The following SYNPR variants were observed in gnomAD, a reference collection of about 807,000 sequenced individuals.
SYNPR encodes the protein synaptoporin.
In SYNPR, 23 loss-of-function variants were observed where a neutral mutation model predicts 32.9. That is an observed-to-expected ratio of 0.70 (90% CI 0.50 to 0.99). The LOEUF is 0.99. Ranked by LOEUF, SYNPR falls within the 50% of genes least tolerant of loss-of-function variation. The pLI, the probability that SYNPR is intolerant of heterozygous loss-of-function variation, is 0.00. For missense variants in SYNPR, 318 were observed against 349.3 expected (o/e 0.91, Z 0.71); for synonymous variants, 146 against 135.9 (o/e 1.07, Z -0.52).
chr3:63,264,396 G>A (rs1254929411), intron 2 of SYNPR, among the ~76,000 whole-genome samples: 2 of 151,830 alleles, frequency 1.3e-5, no homozygotes, highest in South Asian at 4.2e-4. Flanking sequence ...AAGCCTGTTT[G>A]AAAAAAATCA....
chr3:63,203,634 G>A, the SYNPR span, among the ~76,000 whole-genome samples: 1 of 152,138 alleles, frequency 6.6e-6, no homozygotes, highest in Non-Finnish European at 1.5e-5. Context: ...AAGAAGTCCA[G>A]GTGACCTTTT....
intron 1 of SYNPR, among the ~76,000 whole-genome samples, chr3:63,240,221 GGTTT>G (rs2086230935): frequency 2.0e-5 from 3 of 151,954 alleles, no homozygotes; most frequent in Non-Finnish European, 4.4e-5. Flanking sequence ...ACAATAAATT[GGTTT>G]ATTTAACAGG....
intron 2 of SYNPR, among the ~76,000 whole-genome samples, chr3:63,334,438 A>G (rs2087262334): frequency 6.6e-6 from 1 of 152,150 alleles, no homozygotes. Context: ...ACATAATAAT[A>G]GCCATTGTCA....
intron 2 of SYNPR, among the ~76,000 whole-genome samples, chr3:63,371,804 A>G (rs935986599): frequency 3.9e-5 from 6 of 152,144 alleles, no homozygotes; most frequent in East Asian, 3.9e-4. Flanking sequence ...GCGGTTCTAC[A>G]TTTCACTGAG....
At chr3:63,484,288 T>C (rs1044578625) in intron 3 of SYNPR, among the ~76,000 whole-genome samples, 1 of 152,172 alleles carries the variant, frequency 6.6e-6, no homozygotes, top group Non-Finnish European at 1.5e-5. Context: ...TTAACTGTTT[T>C]CTCATCTGCA....
intron 2 of SYNPR, among the ~76,000 whole-genome samples, chr3:63,466,265 C>A (rs1480679585): frequency 6.6e-6 from 1 of 151,722 alleles, no homozygotes; most frequent in Non-Finnish European, 1.5e-5. Context: ...TTCTCTTTTT[C>A]TTTTCTCTTT....
At chr3:63,382,780 T>G (rs1333211673) in intron 2 of SYNPR, among the ~76,000 whole-genome samples, 1 of 152,206 alleles carries the variant, frequency 6.6e-6, no homozygotes, top group Non-Finnish European at 1.5e-5. Context: ...CAATGAAAAT[T>G]ATGTCCACTC....
intron 2 of SYNPR, among the ~76,000 whole-genome samples, chr3:63,403,700 G>A (rs892816750): frequency 9.2e-5 from 14 of 152,200 alleles, no homozygotes; most frequent in African/African-American, 3.4e-4. Context: ...AAAGAAGACA[G>A]AGGTGTAGCA....
Position 63,483,320 on chromosome 3 carries a change from T to C in SYNPR, c.209+2364T>C, listed in dbSNP as rs186677087. Reference sequence around the variant, plus strand: ...AAGTGAATGTACAGATATAGAAAGATGTTTAAAATGTATTACTAAAGAGAA... The same window carrying C: ...AAGTGAATGTACAGATATAGAAAGACGTTTAAAATGTATTACTAAAGAGAA... On this transcript the variant is annotated intron_variant, in intron 3 of 5. Coordinates refer to ENST00000478300, the MANE Select transcript of SYNPR (RefSeq NM_001130003.2). Among the ~76,000 whole-genome samples the C allele has an allele frequency of 1.0e-3, 152 of 152,324 alleles. 1 individual carries two copies. The highest frequency in any genetic ancestry group is 3.4e-3 in the African/African-American group (141 of 41,590).
intron 2 of SYNPR, among the ~76,000 whole-genome samples, chr3:63,405,695 G>C (rs1440682956): frequency 1.3e-5 from 2 of 152,176 alleles, no homozygotes; most frequent in African/African-American, 2.4e-5. Flanking sequence ...AGGAAGCAAG[G>C]CTGGGAGAGC....
intron 3 of SYNPR, chr3:63,550,126 ATT>A (rs1167243921): frequency 6.6e-6 from 1 of 152,094 alleles, no homozygotes; most frequent in Non-Finnish European, 1.5e-5. Context: ...TTCCAAAGTT[ATT>A]ACAGCTACAA....
At chr3:63,307,294 T>C (rs2086918314) in intron 2 of SYNPR, among the ~76,000 whole-genome samples, 1 of 152,010 alleles carries the variant, frequency 6.6e-6, no homozygotes, top group Non-Finnish European at 1.5e-5. Flanking sequence ...CCAGTTCTTA[T>C]ATTATGGGGT....
intron 3 of SYNPR, among the ~76,000 whole-genome samples, chr3:63,551,232 T>G (rs913972080): frequency 2.0e-5 from 3 of 152,256 alleles, no homozygotes; most frequent in African/African-American, 7.2e-5. Context: ...CTTATCCATA[T>G]TGTAGCATGT....
chr3:63,570,571 C>T (rs1338309689), intron 4 of SYNPR, among the ~76,000 whole-genome samples: 1 of 152,120 alleles, frequency 6.6e-6, no homozygotes, highest in Non-Finnish European at 1.5e-5. Flanking sequence ...CTCCCTTCTC[C>T]CTCCCAGCCT....
At chr3:63,362,454 T>C (rs1457779530) in intron 2 of SYNPR, among the ~76,000 whole-genome samples, 1 of 151,986 alleles carries the variant, frequency 6.6e-6, no homozygotes, top group African/African-American at 2.4e-5. Flanking sequence ...AATAGTACAA[T>C]AATCTCTCTA....
At chr3:63,358,023 C>T (rs575575993) in intron 2 of SYNPR, among the ~76,000 whole-genome samples, 4 of 152,278 alleles carry the variant, frequency 2.6e-5, no homozygotes, top group East Asian at 1.9e-4. Context: ...GATTCATTCG[C>T]GTAAAATCTG....
At chr3:63,400,674 A>G (rs1270609086) in intron 2 of SYNPR, among the ~76,000 whole-genome samples, 1 of 152,228 alleles carries the variant, frequency 6.6e-6, no homozygotes, top group Non-Finnish European at 1.5e-5. Context: ...CACCGAACTG[A>G]GCCCACACTT....
chr3:63,411,311 G>A (rs2088461828), intron 2 of SYNPR, among the ~76,000 whole-genome samples: 1 of 152,102 alleles, frequency 6.6e-6, no homozygotes. Flanking sequence ...GTTTCTGCTG[G>A]CCTATGTCCT....
At chr3:63,352,640 T>C (rs1032664682) in intron 2 of SYNPR, among the ~76,000 whole-genome samples, 1 of 152,234 alleles carries the variant, frequency 6.6e-6, no homozygotes, top group Non-Finnish European at 1.5e-5. Context: ...GAATCCTTTA[T>C]GTATTAGTCC....
Sources: allele counts gnomAD v4.1 joint callset (sites outside exome capture counted in the v4.1 genomes callset), GRCh38; gene constraint gnomAD v4.1.1; transcripts MANE v1.5; gene names NCBI Gene and HGNC (gene_info 2026-07-23, HGNC 2026-07-21).